CREG1: variants seen among roughly 807,000 people sequenced by gnomAD.
The protein encoded by CREG1 is cellular repressor of E1A stimulated genes 1.
CREG1 carries 20 observed loss-of-function variants against 19.9 expected under a neutral mutation model. The observed-to-expected ratio is 1.01, with a 90% CI of 0.71 to 1.46. The LOEUF (loss-of-function observed/expected upper bound fraction) is 1.46. Ranked by LOEUF, CREG1 falls within the 40% of genes most tolerant of loss-of-function variation. The pLI is 0.00. For synonymous variants in CREG1, 141 were observed against 143.3 expected, an observed-to-expected ratio of 0.98 and a Z score of 0.12; for missense variants, 290 against 314.9, an observed-to-expected ratio of 0.92 and a Z score of 0.60.
Position 167,548,121 on chromosome 1 carries a change from C to T in CREG1, c.355G>A (p.Glu119Lys). 1 of 1,590,542 alleles carries T rather than the reference C, an allele frequency of 6.3e-7. No individual in the cohort carries two copies. The highest frequency in any genetic ancestry group is 1.1e-5 in the South Asian group (1 of 89,872). ...ATGGTCAGTGTAGCATATGGATTCTCCTATAGAGAGAAAATGAAGATCCTC... is the reference window on the plus strand; with the variant it reads ...ATGGTCAGTGTAGCATATGGATTCTTCTATAGAGAGAAAATGAAGATCCTC... ...PLQLSVSNLQ[E>K]NPYATLTMTL... The change falls in exon 2 of 4, where the codon GAG becomes AAG. Residue 119 changes from glutamate to lysine, a missense_variant and splice_region_variant. Transcript: ENST00000370509.
chr1:167,545,559 G>A (rs779253571), intron 3 of CREG1, among the ~76,000 whole-genome samples: 1 of 152,050 alleles, frequency 6.6e-6, no homozygotes, highest in South Asian at 2.1e-4. Flanking sequence ...AGGCATGGTC[G>A]CTCATGCCTG....
At chr1:167,550,280 C>T (rs1656402718) in intron 1 of CREG1, among the ~76,000 whole-genome samples, 1 of 152,154 alleles carries the variant, frequency 6.6e-6, no homozygotes, top group Admixed American at 6.5e-5. Context: ...GGAGCCTCCG[C>T]ACCCGCCTCT....
intron 1 of CREG1, among the ~76,000 whole-genome samples, chr1:167,548,946 T>C (rs763134203): frequency 2.6e-5 from 4 of 152,158 alleles, no homozygotes; most frequent in Non-Finnish European, 5.9e-5. Flanking sequence ...GACACTCAGG[T>C]AAACTCTCTC....
intron 3 of CREG1, among the ~76,000 whole-genome samples, chr1:167,544,890 C>G (rs1241714538): frequency 6.6e-6 from 1 of 152,174 alleles, no homozygotes; most frequent in South Asian, 2.1e-4. Flanking sequence ...CTTATCACCT[C>G]CCCAGATATG....
chr1:167,546,365 C>A, intron 2 of CREG1, 80 bp from the exon 3 acceptor site: 2 of 1,028,008 alleles, frequency 1.9e-6, no homozygotes, highest in Non-Finnish European at 2.9e-6. Flanking sequence ...GTGATTAGGC[C>A]GGGTGCAGTG....
At chr1:167,550,566 G>C (rs114354867) in intron 1 of CREG1, among the ~76,000 whole-genome samples, 297 of 152,302 alleles carry the variant, frequency 2.0e-3, no homozygotes, top group African/African-American at 6.5e-3. Context: ...CAGGACTTGG[G>C]AACTGAGGGA....
intron 1 of CREG1, among the ~76,000 whole-genome samples, chr1:167,550,488 A>T (rs539828754): frequency 1.1e-4 from 17 of 152,258 alleles, no homozygotes; most frequent in African/African-American, 4.1e-4. Context: ...TGATAAGCTT[A>T]AGGATGAGGT....
chr1:167,547,410 G>C (rs1656347623), intron 2 of CREG1, among the ~76,000 whole-genome samples: 2 of 152,212 alleles, frequency 1.3e-5, no homozygotes, highest in South Asian at 4.1e-4. Context: ...TGGTCAACCA[G>C]ATGCTCTTTA....
intron 1 of CREG1, among the ~76,000 whole-genome samples, chr1:167,548,962 G>T (rs751859295): frequency 1.3e-5 from 2 of 152,192 alleles, no homozygotes; most frequent in Non-Finnish European, 2.9e-5. Flanking sequence ...CTCTCCCTCC[G>T]TGAGTTTATA....
intron 2 of CREG1, among the ~76,000 whole-genome samples, 178 bp downstream of exon 2, chr1:167,547,824 G>T (rs530147701): frequency 3.9e-5 from 6 of 152,092 alleles, no homozygotes; most frequent in Non-Finnish European, 8.8e-5. Context: ...GGGAGGCTGA[G>T]GCACAAGACT....
At chr1:167,551,140 G>A (rs1460620204) in intron 1 of CREG1, among the ~76,000 whole-genome samples, 1 of 152,180 alleles carries the variant, frequency 6.6e-6, no homozygotes, top group Non-Finnish European at 1.5e-5. Flanking sequence ...CACAAAGAAA[G>A]AGACATACAA....
At chr1:167,543,898 T>C (rs2102148765) in intron 3 of CREG1, among the ~76,000 whole-genome samples, 1 of 152,368 alleles carries the variant, frequency 6.6e-6, no homozygotes, top group African/African-American at 2.4e-5. Context: ...TCTGTTTTAC[T>C]CACTTATTCA....
At chr1:167,553,337 G>A in intron 1 of CREG1, 51 bp downstream of exon 1, 1 of 1,286,960 alleles carries the variant, frequency 7.8e-7, no homozygotes, top group Non-Finnish European at 1.0e-6. Flanking sequence ...GGCTCGCTCT[G>A]TGGCCGCCCC....
Position 167,553,660 on chromosome 1 carries a change from G to A in CREG1, c.82C>T (p.Pro28Ser), listed in dbSNP as rs960320583. 7.5e-7 allele frequency: 1 copy of A among 1,340,572 alleles called. No homozygotes were observed. The highest frequency in any genetic ancestry group is 1.9e-5 in the South Asian group (1 of 51,738). The allele number at this position is 1,340,572 out of a possible 1,614,324, so 83.0% of individuals were successfully genotyped here. A position where few individuals can be genotyped will look rare whatever the true frequency, so the allele number is the denominator to read the frequency against. Reference sequence around the variant, plus strand: ...TCCCGGCCGCCGCGACCCCGCGCGGGCGACACGAGCAGCGCCAACAGCGTC... The same window carrying A: ...TCCCGGCCGCCGCGACCCCGCGCGGACGACACGAGCAGCGCCAACAGCGTC... Reference protein sequence around the residue: ...ASTLLALLVSPARGRGGRDHG... With the variant: ...ASTLLALLVSSARGRGGRDHG... The change falls in exon 1 of 4, where the codon CCC becomes TCC. Residue 28 changes from proline to serine, a missense_variant. Transcript: ENST00000370509.
At chr1:167,547,971 C>A in intron 2 of CREG1, 31 bp downstream of exon 2, 4 of 1,592,838 alleles carry the variant, frequency 2.5e-6, no homozygotes, top group Non-Finnish European at 3.4e-6. Flanking sequence ...TGTTCTGAAA[C>A]CATCTCCCTT....
intron 2 of CREG1, among the ~76,000 whole-genome samples, chr1:167,546,766 T>A (rs577670549): frequency 1.4e-3 from 210 of 152,338 alleles, no homozygotes; most frequent in African/African-American, 4.7e-3. Context: ...ATGCAGAGAA[T>A]AAAGATTTCA....
Position 167,553,746 on chromosome 1 carries a change from G to T in CREG1, c.-5C>A. 3 of 1,274,220 alleles carry T rather than the reference G, an allele frequency of 2.4e-6. No individual in the cohort carries two copies. The highest frequency in any genetic ancestry group is 3.0e-6 in the Non-Finnish European group (3 of 1,009,988). 78.9% of individuals were successfully genotyped at this position (1,274,220 alleles called of 1,614,324 possible). ...CCCGCGGGATAGCCCGGCCATGGCG[G>T]TGTCTCCAGGAAGAGTCCCGGGCCC... On this transcript the variant is annotated 5_prime_UTR_variant, in exon 1 of 4. Coordinates refer to ENST00000370509, the MANE Select transcript of CREG1 (RefSeq NM_003851.3).
At position 167,553,512 on chromosome 1, in the gene CREG1, A is replaced by G; in HGVS notation, c.230T>C (p.Leu77Pro). The G allele has an allele frequency of 6.7e-7, 1 of 1,489,846 alleles. No homozygotes were observed. The highest frequency in any genetic ancestry group is 8.9e-7 in the Non-Finnish European group (1 of 1,127,518). 92.3% of individuals were successfully genotyped at this position (1,489,846 alleles called of 1,614,324 possible). ...DWGALATISTLEAVRGRPFAD... is the reference protein window; with the variant it reads ...DWGALATISTPEAVRGRPFAD... ...GAAGGGCCGGCCGCGCACCGCCTCC[A>G]GCGTGGAGATGGTGGCCAGAGCGCC... The change falls in exon 1 of 4, where the codon CTG becomes CCG. Residue 77 changes from leucine to proline, a missense_variant. Physicochemically the swap from Leu to Pro is moderately conservative, Grantham distance 98. Coordinates refer to ENST00000370509, the MANE Select transcript of CREG1 (RefSeq NM_003851.3).
intron 1 of CREG1, among the ~76,000 whole-genome samples, chr1:167,549,085 G>A (rs1656378828): frequency 6.6e-6 from 1 of 152,170 alleles, no homozygotes; most frequent in South Asian, 2.1e-4. Flanking sequence ...GAAGGTGGGA[G>A]GACATATTAA....
Sources: allele counts gnomAD v4.1 joint callset (sites outside exome capture counted in the v4.1 genomes callset), GRCh38; gene constraint gnomAD v4.1.1; transcripts MANE v1.5; gene names NCBI Gene and HGNC (gene_info 2026-07-23, HGNC 2026-07-21).